FOCAD: variants seen among roughly 807,000 people sequenced by gnomAD.
FOCAD encodes the protein KIAA1797.
A neutral mutation model predicts 225.6 loss-of-function variants in FOCAD; 198 were observed. That is an observed-to-expected ratio of 0.88 (90% CI 0.78 to 0.99). The LOEUF is 0.99. Among genes scored for constraint, FOCAD ranks in the 50% least tolerant of loss-of-function variants. FOCAD has a pLI of 0.00. For synonymous variants in FOCAD, 897 were observed against 755.0 expected (o/e 1.19, Z -3.08); for missense variants, 2,713 against 2,123.6 (o/e 1.28, Z -5.46).
At chr9:20,876,739 C>T (rs1457702089) in intron 19 of FOCAD, among the ~76,000 whole-genome samples, 1 of 151,938 alleles carries the variant, frequency 6.6e-6, no homozygotes, top group Non-Finnish European at 1.5e-5. Flanking sequence ...GAAAAAGAAC[C>T]AGGAAAAAGT....
rs545976303 is a variant in FOCAD, at chr9:20,986,266, A to ATTTTTTTTTTTTTTT, written c.4729-19_4729-5dup. The ATTTTTTTTTTTTTTT allele has an allele frequency of 4.9e-3, 3,508 of 709,352 alleles. 1,012 individuals are homozygous for ATTTTTTTTTTTTTTT. Among genetic ancestry groups the ATTTTTTTTTTTTTTT allele is most frequent in the African/African-American group, 0.02 (671 of 33,050 alleles). The allele number at this position is 709,352 out of a possible 1,614,324, so 43.9% of individuals were successfully genotyped here. On this transcript the variant is annotated intron_variant, in intron 39 of 43. Transcript: ENST00000338382. ...CAGTTAATTTAATAGTAACTAAACAATTTTTTTTTTTTTTTTTGCAGAGCA... is the reference window on the plus strand; with the variant it reads ...CAGTTAATTTAATAGTAACTAAACAATTTTTTTTTTTTTTTTTTTTTTTTTTTTTTTTGCAGAGCA...
chr9:20,722,954 T>C (rs1200594093), intron 4 of FOCAD, among the ~76,000 whole-genome samples: 1 of 152,188 alleles, frequency 6.6e-6, no homozygotes, highest in African/African-American at 2.4e-5. Flanking sequence ...CAGCAGCTCA[T>C]GGGGCCAATG....
rs1221665040 is a variant in FOCAD at position 20,698,849 on chromosome 9, T to C, written c.-33+14556T>C. 1.3e-5 allele frequency among the ~76,000 whole-genome samples: 2 copies of C among 151,920 alleles called. 1 individual carries two copies. Among genetic ancestry groups the C allele is most frequent in the East Asian group, 3.8e-4 (2 of 5,204 alleles). ...TTTTAGATTTGTCCATTAATACTTT[T>C]GCAAAAAGTGTGCTTGATTTTAAAC... is the stretch of plus-strand genomic sequence containing the variant. On this transcript the variant is annotated intron_variant, in intron 1 of 43. Coordinates refer to ENST00000338382, the MANE Select transcript of FOCAD (RefSeq NM_001375567.1).
At chr9:20,827,799 A>G (rs1331053939) in intron 15 of FOCAD, among the ~76,000 whole-genome samples, 1 of 152,144 alleles carries the variant, frequency 6.6e-6, no homozygotes, top group Non-Finnish European at 1.5e-5. Flanking sequence ...GAAGGTATGT[A>G]TGAACAGGTT....
At chr9:20,930,025 G>C (rs903724024) in intron 27 of FOCAD, among the ~76,000 whole-genome samples, 1 of 152,180 alleles carries the variant, frequency 6.6e-6, no homozygotes, top group Non-Finnish European at 1.5e-5. Flanking sequence ...TGCCTAAGGG[G>C]TGTTGGGAAT....
In FOCAD at chr9:20,907,199, C is replaced by T. The variant is rs765441165; in HGVS notation, c.2675C>T (p.Ala892Val). The T allele has an allele frequency of 1.2e-6, 2 of 1,613,286 alleles. No homozygotes were observed. The highest frequency in any genetic ancestry group is 1.7e-6 in the Non-Finnish European group (2 of 1,179,522). The change falls in exon 22 of 44, where the codon GCC becomes GTC. Residue 892 changes from alanine to valine, a missense_variant. Ala to Val is a moderately conservative substitution (Grantham distance 64, BLOSUM62 0). Coordinates refer to ENST00000338382, the MANE Select transcript of FOCAD (RefSeq NM_001375567.1). ...CACCGTGCAATTTTTCTTCCACAGG[C>T]CTGGCTTGCATACATGAATCGAGCT... ...EWHRAIFLPQ[A>V]WLAYMNRAYH...
At chr9:20,883,333 A>C (rs920638348) in intron 20 of FOCAD, among the ~76,000 whole-genome samples, 1 of 152,234 alleles carries the variant, frequency 6.6e-6, no homozygotes, top group Non-Finnish European at 1.5e-5. Context: ...TATCTTTTTC[A>C]GTAGCTGGCA....
chr9:20,972,962 G>C (rs1839892819), intron 35 of FOCAD, among the ~76,000 whole-genome samples: 1 of 149,692 alleles, frequency 6.7e-6, no homozygotes, highest in African/African-American at 2.5e-5. Context: ...TCTGCTTTCT[G>C]CAGCTGATTT....
chr9:20,781,685 G>A, intron 9 of FOCAD, 42 bp from the exon 10 acceptor site: 2 of 1,572,252 alleles, frequency 1.3e-6, no homozygotes, highest in Non-Finnish European at 1.7e-6. Flanking sequence ...TTTGACTGTG[G>A]TATTAATTTT....
chr9:20,706,020 G>T (rs947714261), intron 1 of FOCAD, among the ~76,000 whole-genome samples: 3 of 139,914 alleles, frequency 2.1e-5, no homozygotes, highest in African/African-American at 7.9e-5. Flanking sequence ...CTGGAGCCTT[G>T]ATCTACTGGA....
Position 20,666,044 on chromosome 9 carries a change from G to C in FOCAD, c.-78+7218G>C, listed in dbSNP as rs891180045. On this transcript the variant is annotated intron_variant, in intron 2 of 45. Coordinates refer to the FOCAD transcript ENST00000380249. ...CGAGTAGCTGGGATAACAGGCACCC[G>C]CCACCACGCCCAGCTAATTTTTGTA... 3.3e-5 allele frequency among the ~76,000 whole-genome samples: 5 copies of C among 151,976 alleles called. No homozygotes were observed. The South Asian group carries it at 1.0e-3, about 31-fold the overall frequency.
intron 15 of FOCAD, among the ~76,000 whole-genome samples, chr9:20,844,579 T>G (rs955110231): frequency 1.3e-5 from 2 of 151,958 alleles, no homozygotes; most frequent in African/African-American, 4.8e-5. Flanking sequence ...CAGGCTGGTC[T>G]CAAACTCCTG....
intron 32 of FOCAD, among the ~76,000 whole-genome samples, chr9:20,949,265 T>C (rs533496784): frequency 1.1e-3 from 161 of 152,332 alleles, no homozygotes; most frequent in African/African-American, 3.7e-3. Context: ...TAATGTCTGA[T>C]ATATGTCTAT....
intron 1 of FOCAD, among the ~76,000 whole-genome samples, chr9:20,701,704 G>C (rs1294671277): frequency 6.6e-6 from 1 of 152,206 alleles, no homozygotes; most frequent in African/African-American, 2.4e-5. Flanking sequence ...TATTGCTGGT[G>C]ATGGTGCCAC....
chr9:20,860,565 C>G (rs1027079656), intron 15 of FOCAD, among the ~76,000 whole-genome samples: 4 of 152,200 alleles, frequency 2.6e-5, no homozygotes, highest in Non-Finnish European at 5.9e-5. Flanking sequence ...GAGTCTCACT[C>G]TGTAGCCCAG....
At chr9:20,947,689 T>A (rs528279399) in intron 30 of FOCAD, among the ~76,000 whole-genome samples, 1 of 152,210 alleles carries the variant, frequency 6.6e-6, no homozygotes, top group African/African-American at 2.4e-5. Context: ...AAAAAAACAT[T>A]TTATCTGATT....
chr9:20,720,332 T>C (rs144569751), intron 3 of FOCAD, 48 bp from the exon 4 acceptor site: 20 of 1,587,566 alleles, frequency 1.3e-5, no homozygotes, highest in Middle Eastern at 1.7e-4. Context: ...TGTGTGTGTG[T>C]GTTTGCTGCT....
chr9:20,756,740 A>G (rs926229710), intron 5 of FOCAD, among the ~76,000 whole-genome samples: 2 of 152,202 alleles, frequency 1.3e-5, no homozygotes, highest in Non-Finnish European at 2.9e-5. Flanking sequence ...AAGGCATCAC[A>G]TTTTGAGAAT....
intron 11 of FOCAD, among the ~76,000 whole-genome samples, chr9:20,795,845 TG>T (rs1174054473): frequency 6.6e-5 from 10 of 151,766 alleles, no homozygotes; most frequent in African/African-American, 2.4e-4. Flanking sequence ...ATTTATTTTT[TG>T]TTATACTTTA....
Sources: allele counts gnomAD v4.1 joint callset (sites outside exome capture counted in the v4.1 genomes callset), GRCh38; gene constraint gnomAD v4.1.1; transcripts MANE v1.5; gene names NCBI Gene and HGNC (gene_info 2026-07-23, HGNC 2026-07-21).